Variants in SETBP1 observed in about 807,000 individuals in gnomAD.
SETBP1 encodes the protein SET binding protein 1, also known as SET-binding protein.
A neutral mutation model predicts 101.0 loss-of-function variants in SETBP1; 9 were observed. The observed-to-expected ratio is 0.09, with a 90% CI of 0.05 to 0.16. The LOEUF is 0.16. Ranked by LOEUF, SETBP1 falls within the 10% of genes least tolerant of loss-of-function variation. SETBP1 has a pLI of 1.00. For synonymous variants in SETBP1, 818 were observed against 788.5 expected (o/e 1.04, Z -0.63); for missense variants, 1,858 against 2,033.8 (o/e 0.91, Z 1.66).
chr18:44,995,529 TTGTGTGTGTGTGTG>T (rs60256060), intron 4 of SETBP1, among the ~76,000 whole-genome samples: 33 of 142,966 alleles, frequency 2.3e-4, no homozygotes, highest in African/African-American at 3.9e-4. Flanking sequence ...GTCCAGGCTT[TTGTGTGTGTGTGTG>T]TGTGTGTGTG....
At chr18:45,043,960 G>A (rs919717628) in intron 5 of SETBP1, among the ~76,000 whole-genome samples, 1 of 152,268 alleles carries the variant, frequency 6.6e-6, no homozygotes. Flanking sequence ...GTGGGAAGGG[G>A]CCCAGAATAA....
At chr18:44,809,336 A>G (rs2071811575) in intron 2 of SETBP1, among the ~76,000 whole-genome samples, 2 of 152,232 alleles carry the variant, frequency 1.3e-5, no homozygotes, top group Admixed American at 1.3e-4. Context: ...ACCAAGGAAG[A>G]ACCTATTTCA....
chr18:44,753,426 C>G (rs2070430019), intron 2 of SETBP1, among the ~76,000 whole-genome samples: 1 of 152,218 alleles, frequency 6.6e-6, no homozygotes, highest in East Asian at 1.9e-4. Context: ...CAGACATAGC[C>G]TGGGTTACTT....
At chr18:44,735,020 A>G (rs1009575144) in intron 2 of SETBP1, among the ~76,000 whole-genome samples, 1 of 152,224 alleles carries the variant, frequency 6.6e-6, no homozygotes, top group African/African-American at 2.4e-5. Context: ...GAAGAGAGTT[A>G]TTTATAAGTC....
At chr18:44,908,289 C>T (rs1014767793) in intron 3 of SETBP1, among the ~76,000 whole-genome samples, 1 of 151,822 alleles carries the variant, frequency 6.6e-6, no homozygotes, top group African/African-American at 2.4e-5. Flanking sequence ...TTGAACTCCT[C>T]ACGTCGCCAC....
chr18:44,729,407 G>A (rs1205698154), intron 2 of SETBP1, among the ~76,000 whole-genome samples: 2 of 152,212 alleles, frequency 1.3e-5, no homozygotes, highest in Non-Finnish European at 2.9e-5. Flanking sequence ...GACAGCATCA[G>A]AAGGGAATTG....
At chr18:44,865,366 C>T (rs1009974882) in intron 2 of SETBP1, among the ~76,000 whole-genome samples, 1 of 152,176 alleles carries the variant, frequency 6.6e-6, no homozygotes, top group Non-Finnish European at 1.5e-5. Context: ...CCTTTGTCTA[C>T]ACATTTTCTC....
At chr18:44,961,504 C>T (rs915736120) in intron 4 of SETBP1, among the ~76,000 whole-genome samples, 1 of 152,100 alleles carries the variant, frequency 6.6e-6, no homozygotes, top group Non-Finnish European at 1.5e-5. Context: ...TCTAGCAGTG[C>T]CCCAGCTTCT....
intron 2 of SETBP1, among the ~76,000 whole-genome samples, chr18:44,867,234 C>T (rs1412233159): frequency 4.6e-5 from 7 of 152,242 alleles, no homozygotes; most frequent in Admixed American, 1.3e-4. Context: ...AGGTGATCCT[C>T]ACCGTATCCT....
intron 2 of SETBP1, among the ~76,000 whole-genome samples, chr18:44,794,516 C>T (rs2071433931): frequency 6.6e-6 from 1 of 152,028 alleles, no homozygotes; most frequent in African/African-American, 2.4e-5. Context: ...TCAGAGGCTC[C>T]CAGGGCTGAC....
At chr18:44,812,085 G>A (rs2071874860) in intron 2 of SETBP1, among the ~76,000 whole-genome samples, 1 of 152,072 alleles carries the variant, frequency 6.6e-6, no homozygotes, top group African/African-American at 2.4e-5. Context: ...GCAGAGAAGT[G>A]GAGGTAGTAT....
chr18:44,694,904 C>T (rs1480964612), intron 1 of SETBP1, among the ~76,000 whole-genome samples: 1 of 152,020 alleles, frequency 6.6e-6, no homozygotes, highest in Admixed American at 6.6e-5. Context: ...AGAAGTATGA[C>T]CCATGGAAAA....
chr18:44,823,836 G>A (rs2072171817), intron 2 of SETBP1, among the ~76,000 whole-genome samples: 1 of 152,174 alleles, frequency 6.6e-6, no homozygotes, highest in Admixed American at 6.5e-5. Flanking sequence ...TCATTGTTCT[G>A]CTTAGTTGTG....
chr18:44,989,687 G>C (rs948722147), intron 4 of SETBP1, among the ~76,000 whole-genome samples: 1 of 151,062 alleles, frequency 6.6e-6, no homozygotes, highest in African/African-American at 2.4e-5. Flanking sequence ...GGCTAAAACG[G>C]TGAAACCCCG....
rs371516078 is a variant in SETBP1, at chr18:44,701,490, C to G, written c.144C>G (p.Ile48Met). ...LLSTPGPGKG[I>M]PVGGERMEPE... ...CCACTCCAGGACCTGGGAAGGGGAT[C>G]CCGGTGGGCGGAGAGCGCATGGAGC... is the stretch of plus-strand genomic sequence containing the variant. The change falls in exon 2 of 6, where the codon ATC (isoleucine) becomes ATG (methionine). Residue 48 changes from isoleucine to methionine, a missense_variant. By Grantham distance (10) the Ile-to-Met change is conservative (BLOSUM62 1). Transcript: ENST00000649279. 18 of 1,613,768 alleles carry G rather than the reference C, an allele frequency of 1.1e-5. No individual in the cohort carries two copies. The highest frequency in any genetic ancestry group is 1.3e-5 in the African/African-American group (1 of 74,914).
At chr18:44,897,334 A>G (rs1284669482) in intron 3 of SETBP1, among the ~76,000 whole-genome samples, 1 of 152,118 alleles carries the variant, frequency 6.6e-6, no homozygotes, top group African/African-American at 2.4e-5. Flanking sequence ...TCTGTATATT[A>G]GAAAGGGTGA....
intron 2 of SETBP1, among the ~76,000 whole-genome samples, chr18:44,818,214 T>C (rs1018359144): frequency 2.0e-5 from 3 of 152,232 alleles, no homozygotes; most frequent in Non-Finnish European, 4.4e-5. Flanking sequence ...AGCATTTTTT[T>C]TAATTGGAGA....
At chr18:44,753,514 A>C (rs2070431607) in intron 2 of SETBP1, among the ~76,000 whole-genome samples, 1 of 152,206 alleles carries the variant, frequency 6.6e-6, no homozygotes, top group Non-Finnish European at 1.5e-5. Flanking sequence ...AAATAATAGA[A>C]ATACACCATT....
At chr18:44,890,862 C>G (rs1007884119) in intron 3 of SETBP1, among the ~76,000 whole-genome samples, 2 of 152,078 alleles carry the variant, frequency 1.3e-5, no homozygotes, top group African/African-American at 2.4e-5. Context: ...TAGTAAGTGA[C>G]CAAACTGGAT....
Sources: gnomAD v4.1 joint callset for allele counts (sites outside exome capture counted in the v4.1 genomes callset) on GRCh38, gnomAD v4.1.1 for gene constraint, MANE v1.5 for transcripts, NCBI Gene and HGNC (gene_info 2026-07-23, HGNC 2026-07-21) for gene names.